The following SHARPIN variants were observed in gnomAD, a reference collection of about 807,000 sequenced individuals.
The protein encoded by SHARPIN is hSIPL1.
In SHARPIN, 25 loss-of-function variants were observed where a neutral mutation model predicts 40.3. That is an observed-to-expected ratio of 0.62 (90% confidence interval 0.45 to 0.87). The LOEUF is 0.87. Among genes scored for constraint, SHARPIN ranks in the 40% least tolerant of loss-of-function variants. The pLI, the probability that SHARPIN is intolerant of heterozygous loss-of-function variation, is 0.00. For synonymous variants in SHARPIN, 274 were observed against 221.8 expected (o/e 1.24, Z -2.09); for missense variants, 551 against 516.1 (o/e 1.07, Z -0.66).
In SHARPIN at chr8:144,103,438, CA is replaced by C; in HGVS notation, c.201+114del. On this transcript the variant is annotated intron_variant, in intron 1 of 8. Coordinates refer to ENST00000398712, the MANE Select transcript of SHARPIN (RefSeq NM_030974.4). ...CATTTCACGGACGAGAAAACAGAAG[CA>C]AAGAAACATAACTGCTTAAGGGCAC... 4 of 1,210,744 alleles carry C rather than the reference CA, an allele frequency of 3.3e-6. No homozygotes were observed. In the African/African-American group the frequency reaches 4.5e-5, roughly 14 times the overall value. The allele number at this position is 1,210,744 out of a possible 1,614,324, so 75.0% of individuals were successfully genotyped here.
Position 144,099,370 on chromosome 8 carries a change from AC to A in SHARPIN, c.828del (p.Cys277ValfsTer135). 3.1e-6 allele frequency: 5 copies of A among 1,613,918 alleles called. No individual in the cohort carries two copies. The highest frequency in any genetic ancestry group is 4.2e-6 in the Non-Finnish European group (5 of 1,179,932). On this transcript the variant is annotated frameshift_variant, in exon 6 of 9. Coordinates refer to ENST00000398712, the MANE Select transcript of SHARPIN (RefSeq NM_030974.4). LOFTEE classifies it high-confidence loss of function. The stretch of plus-strand genomic sequence containing the variant: ...GAGGCAAGGCTGCGCTCAGGCACAC[AC>A]AGGCACCGTCCGATGACCCAGCGTT... ...AVQRWVIGRC[L>X]CVPERSLASY...
intron 2 of SHARPIN, chr8:144,102,778 C>G (rs1836313848): frequency 7.0e-6 from 4 of 571,318 alleles, no homozygotes; most frequent in Admixed American, 3.0e-5. Flanking sequence ...ATGCTTGCCT[C>G]TCATCCTTCC....
At chr8:144,099,668 C>T (rs544552634) in intron 4 of SHARPIN, 35 bp downstream of exon 4, 39 of 1,612,818 alleles carry the variant, frequency 2.4e-5, no homozygotes, top group East Asian at 4.5e-5. Flanking sequence ...GGGATGGTCA[C>T]GAGGACAAGG....
rs755611511 is a variant in SHARPIN at position 144,098,802 on chromosome 8, G to GCTGGGTCATTC, written c.*13-25_*13-15dup. On this transcript the variant is annotated splice_polypyrimidine_tract_variant and intron_variant, in intron 8 of 8. Coordinates refer to ENST00000398712, the MANE Select transcript of SHARPIN (RefSeq NM_030974.4). ...TCCCCTTGTAACCTGTGGGGGAGGA[G>GCTGGGTCATTC]CTGGGTCATTCCTGTGGATTCTGCC... 111 of 1,156,494 alleles carry GCTGGGTCATTC rather than the reference G, an allele frequency of 9.6e-5. No individual in the cohort carries two copies. Among genetic ancestry groups the GCTGGGTCATTC allele is most frequent in the Non-Finnish European group, 1.2e-4 (102 of 818,824 alleles). The allele number at this position is 1,156,494 out of a possible 1,614,324, so 71.6% of individuals were successfully genotyped here.
intron 1 of SHARPIN, 105 bp downstream of exon 1, chr8:144,103,443 AAACAT>A: frequency 8.1e-7 from 1 of 1,233,528 alleles, no homozygotes. Context: ...AGAAGCAAAG[AAACAT>A]AACTGCTTAA....
At position 144,102,926 on chromosome 8, in the gene SHARPIN, C is replaced by A. The variant is rs1405742250; in HGVS notation, c.376+125G>T. On this transcript the variant is annotated intron_variant, in intron 2 of 8. Transcript: ENST00000398712. ...GTACTCCAAGCTACTCCAGGCTCCA[C>A]CTACTCCCTCCTGGAAGCCTTCCCA... 5 of 1,193,208 alleles carry A rather than the reference C, an allele frequency of 4.2e-6. No individual in the cohort carries two copies. In the Admixed American group the frequency reaches 8.9e-5, roughly 21 times the overall value. 73.9% of individuals were successfully genotyped at this position (1,193,208 alleles called of 1,614,324 possible). A position where few individuals can be genotyped will look rare whatever the true frequency, so the allele number is the denominator to read the frequency against.
Position 144,099,851 on chromosome 8 carries a change from G to A in SHARPIN, c.518-7C>T, listed in dbSNP as rs1050811831. The A allele has an allele frequency of 6.2e-6, 10 of 1,612,110 alleles. No homozygotes were observed. The highest frequency in any genetic ancestry group is 7.6e-6 in the Non-Finnish European group (9 of 1,179,898). On this transcript the variant is annotated splice_region_variant and splice_polypyrimidine_tract_variant and intron_variant, in intron 3 of 8. Transcript: ENST00000398712. Reference sequence around the variant, plus strand: ...AGGCTCCCTGCCAGCTCTTCTGCAGGGTAAGGAAAGGACAGCTGTCACCAC... The same window carrying A: ...AGGCTCCCTGCCAGCTCTTCTGCAGAGTAAGGAAAGGACAGCTGTCACCAC...
rs758018859 is a variant in SHARPIN, at chr8:144,100,082, T to G, written c.377-13A>C. 4 of 1,560,072 alleles carry G rather than the reference T, an allele frequency of 2.6e-6. No homozygotes were observed. The highest frequency in any genetic ancestry group is 3.5e-6 in the Non-Finnish European group (4 of 1,153,896). On this transcript the variant is annotated splice_polypyrimidine_tract_variant and intron_variant, in intron 2 of 8. Coordinates refer to ENST00000398712, the MANE Select transcript of SHARPIN (RefSeq NM_030974.4). ...TTGCTCTTGCTGCCTAGAGGTAAGA[T>G]ATGGGTGTGCTGTGCTGTGGCCTCT...
chr8:144,102,880 T>A, intron 2 of SHARPIN, 171 bp downstream of exon 2: 1 of 774,070 alleles, frequency 1.3e-6, no homozygotes, highest in East Asian at 2.5e-5. Context: ...TGTAGGAGAC[T>A]GACTCCAGCA....
Position 144,099,383 on chromosome 8 carries a change from G to A in SHARPIN, c.816C>T (p.Ile272=), listed in dbSNP as rs756885460. The change falls in exon 6 of 9, where the codon ATC becomes ATT. Residue 272 remains isoleucine, a synonymous_variant. Transcript: ENST00000398712. ...GFPPAVQRWV[I]GRCLCVPERS... ...GCTCAGGCACACACAGGCACCGTCCGATGACCCAGCGTTGCACGGCTGGCG... is the reference window on the plus strand; with the variant it reads ...GCTCAGGCACACACAGGCACCGTCCAATGACCCAGCGTTGCACGGCTGGCG... 5.6e-5 allele frequency: 91 copies of A among 1,613,576 alleles called. No homozygotes were observed. Among genetic ancestry groups the A allele is most frequent in the African/African-American group, 1.1e-4 (8 of 74,924 alleles).
chr8:144,099,649 G>A (rs753181517), intron 4 of SHARPIN, 31 bp from the exon 5 acceptor site: 1 of 1,613,238 alleles, frequency 6.2e-7, no homozygotes, highest in South Asian at 1.1e-5. Flanking sequence ...AGGGATGGAT[G>A]GGGGACCTGG....
chr8:144,099,165 C>T lies in SHARPIN; in HGVS notation c.963G>A (p.Gly321=). 6.3e-7 allele frequency: 1 copy of T among 1,591,110 alleles called. No individual in the cohort carries two copies. Among genetic ancestry groups the T allele is most frequent in the Non-Finnish European group, 8.5e-7 (1 of 1,170,036 alleles). Residue 321 remains glycine, a synonymous_variant, in exon 7 of 9, where the codon GGG becomes GGA. Transcript: ENST00000398712. ...ATGGGGGAAACAAGCGTCCAAGTTCCCCGTCCATCTTCTGGGGGTGCTGAG... is the reference window on the plus strand; with the variant it reads ...ATGGGGGAAACAAGCGTCCAAGTTCTCCGTCCATCTTCTGGGGGTGCTGAG... The part of the protein sequence containing the change: ...PSPQHPQKMD[G]ELGRLFPPSL...
chr8:144,099,159 A>C lies in SHARPIN; in HGVS notation c.969T>G (p.Leu323=). The change falls in exon 7 of 9, where the codon CTT becomes CTG. Residue 323 remains leucine, a synonymous_variant. Coordinates refer to ENST00000398712, the MANE Select transcript of SHARPIN (RefSeq NM_030974.4). The part of the protein sequence containing the change: ...PQHPQKMDGE[L]GRLFPPSLGL... ...CCAATGATGGGGGAAACAAGCGTCC[A>C]AGTTCCCCGTCCATCTTCTGGGGGT... The C allele has an allele frequency of 6.3e-7, 1 of 1,590,866 alleles. No individual in the cohort carries two copies. Among genetic ancestry groups the C allele is most frequent in the Non-Finnish European group, 8.5e-7 (1 of 1,169,628 alleles).
Position 144,101,161 on chromosome 8 carries a change from T to C in SHARPIN, c.377-1092A>G, listed in dbSNP as rs549928490. On this transcript the variant is annotated intron_variant, in intron 2 of 8. Transcript: ENST00000398712. Reference sequence around the variant, plus strand: ...CTGCCACCGTTTTAAACAGCAATCCTCCCAGCTCCACCATTCTCATTCCCA... The same window carrying C: ...CTGCCACCGTTTTAAACAGCAATCCCCCCAGCTCCACCATTCTCATTCCCA... 4.6e-5 allele frequency among the ~76,000 whole-genome samples: 7 copies of C among 152,050 alleles called. No individual in the cohort carries two copies. The South Asian group carries it at 1.4e-3, about 31-fold the overall frequency.
chr8:144,099,019 C>T, intron 7 of SHARPIN, 25 bp from the exon 8 acceptor site: 1 of 1,596,126 alleles, frequency 6.3e-7, no homozygotes, highest in South Asian at 1.1e-5. Context: ...ACAGTTGTTG[C>T]TTCCCTGCTC....
At position 144,099,489 on chromosome 8, in the gene SHARPIN, C is replaced by T. The variant is rs1299696540; in HGVS notation, c.768+21G>A. On this transcript the variant is annotated intron_variant, in intron 5 of 8. Coordinates refer to ENST00000398712, the MANE Select transcript of SHARPIN (RefSeq NM_030974.4). ...CTAGGCTCCTCTGCCCCTGGCAGGG[C>T]TCCCCAGACCCTGTGCCCACCTGCT... 8 of 1,610,408 alleles carry T rather than the reference C, an allele frequency of 5.0e-6. No homozygotes were observed. In the South Asian group the frequency reaches 7.7e-5, roughly 16 times the overall value.
At position 144,099,149 on chromosome 8, in the gene SHARPIN, A is replaced by T; in HGVS notation, c.979T>A (p.Phe327Ile). 6.3e-7 allele frequency: 1 copy of T among 1,590,758 alleles called. No homozygotes were observed. Among genetic ancestry groups the T allele is most frequent in the Non-Finnish European group, 8.6e-7 (1 of 1,169,288 alleles). Reference sequence around the variant, plus strand: ...GGGGGTAGCCCCAATGATGGGGGAAACAAGCGTCCAAGTTCCCCGTCCATC... The same window carrying T: ...GGGGGTAGCCCCAATGATGGGGGAATCAAGCGTCCAAGTTCCCCGTCCATC... The part of the protein sequence containing the change: ...QKMDGELGRL[F>I]PPSLGLPPGP... Residue 327 changes from phenylalanine to isoleucine, a missense_variant, in exon 7 of 9, where the codon TTT (phenylalanine) becomes ATT (isoleucine). By Grantham distance (21) the Phe-to-Ile change is conservative. Transcript: ENST00000398712.
chr8:144,101,885 G>C (rs1030969743), intron 2 of SHARPIN, among the ~76,000 whole-genome samples: 5 of 152,154 alleles, frequency 3.3e-5, no homozygotes, highest in Non-Finnish European at 5.9e-5. Context: ...TATGCTTGGT[G>C]AATGACTAAA....
chr8:144,103,277 C>G, intron 1 of SHARPIN, 52 bp from the exon 2 acceptor site: 2 of 1,538,952 alleles, frequency 1.3e-6, no homozygotes, highest in South Asian at 2.5e-5. Flanking sequence ...CTACATCGCA[C>G]GAGGAGCAAA....
Sources: gnomAD v4.1 joint callset for allele counts (sites outside exome capture counted in the v4.1 genomes callset) on GRCh38, gnomAD v4.1.1 for gene constraint, MANE v1.5 for transcripts, NCBI Gene and HGNC (gene_info 2026-07-23, HGNC 2026-07-21) for gene names.